PRKCH: variants seen among roughly 807,000 people sequenced by gnomAD.
PRKCH encodes protein kinase C eta type.
Under a neutral mutation model 82.5 loss-of-function variants are expected in PRKCH, and 28 were observed. The ratio of observed to expected loss-of-function variants is 0.34; its 90% CI spans 0.25 to 0.47. PRKCH has a LOEUF of 0.47. Ranked by LOEUF, PRKCH falls within the 20% of genes least tolerant of loss-of-function variation. The pLI, the probability that PRKCH is intolerant of heterozygous loss-of-function variation, is 1.00. For synonymous variants in PRKCH, 322 were observed against 327.4 expected, an observed-to-expected ratio of 0.98 and a Z score of 0.18; for missense variants, 705 against 881.8, an observed-to-expected ratio of 0.80 and a Z score of 2.54.
chr14:61,196,947 C>T (rs2044446295), intron 1 of PRKCH, among the ~76,000 whole-genome samples: 1 of 152,192 alleles, frequency 6.6e-6, no homozygotes, highest in African/African-American at 2.4e-5. Context: ...TTCTCTCAGA[C>T]ATAGGGACAT....
chr14:61,219,314 G>A (rs1390454511), intron 1 of PRKCH, among the ~76,000 whole-genome samples: 1 of 152,212 alleles, frequency 6.6e-6, no homozygotes, highest in Non-Finnish European at 1.5e-5. Flanking sequence ...TAGTATAAAT[G>A]TTCCAAATAT....
intron 1 of PRKCH, among the ~76,000 whole-genome samples, chr14:61,363,857 G>C (rs2046262447): frequency 1.3e-5 from 2 of 151,478 alleles, no homozygotes; most frequent in Admixed American, 1.3e-4. Flanking sequence ...TCTGGAGGTA[G>C]AATCTGTGGT....
At position 61,452,928 on chromosome 14, in the gene PRKCH, G is replaced by A. The variant is rs564735701; in HGVS notation, c.833-298G>A. 29 of 393,572 alleles carry A rather than the reference G, an allele frequency of 7.4e-5. 1 individual carries two copies. In the Admixed American group the frequency reaches 1.2e-3, roughly 16 times the overall value. The allele number at this position is 393,572 out of a possible 1,614,324, so 24.4% of individuals were successfully genotyped here. Reference sequence around the variant, plus strand: ...GGTTTTAATCTTAGATCATACTAAGGCAGCAATGCCTGTTACATGTGATTT... The same window carrying A: ...GGTTTTAATCTTAGATCATACTAAGACAGCAATGCCTGTTACATGTGATTT... On this transcript the variant is annotated intron_variant, in intron 6 of 13. Coordinates refer to ENST00000332981, the MANE Select transcript of PRKCH (RefSeq NM_006255.5).
intron 1 of PRKCH, among the ~76,000 whole-genome samples, chr14:61,282,693 A>C (rs2045282349): frequency 6.6e-6 from 1 of 152,186 alleles, no homozygotes; most frequent in Non-Finnish European, 1.5e-5. Flanking sequence ...TGCATTCTAC[A>C]AGTCACATTA....
At chr14:61,283,113 T>G (rs1261777914) in intron 1 of PRKCH, among the ~76,000 whole-genome samples, 1 of 151,958 alleles carries the variant, frequency 6.6e-6, no homozygotes, top group Non-Finnish European at 1.5e-5. Flanking sequence ...CAAGAGATCC[T>G]TCTGCCTCAG....
intron 1 of PRKCH, among the ~76,000 whole-genome samples, chr14:61,228,725 T>C (rs1435399327): frequency 6.6e-6 from 1 of 152,080 alleles, no homozygotes; most frequent in Admixed American, 6.5e-5. Context: ...AGTTTTTCTT[T>C]CCTTTTTAGT....
At chr14:61,260,055 C>T (rs1241407236) in intron 1 of PRKCH, among the ~76,000 whole-genome samples, 1 of 152,090 alleles carries the variant, frequency 6.6e-6, no homozygotes, top group Non-Finnish European at 1.5e-5. Flanking sequence ...ACGAATTTGG[C>T]CTCATTAATA....
Position 61,550,065 on chromosome 14 carries a change from G to T in PRKCH, c.*234G>T. 2.2e-6 allele frequency: 1 copy of T among 455,160 alleles called. No homozygotes were observed. Among genetic ancestry groups the T allele is most frequent in the South Asian group, 4.1e-5 (1 of 24,100 alleles). The allele number at this position is 455,160 out of a possible 1,614,324, so 28.2% of individuals were successfully genotyped here. On this transcript the variant is annotated 3_prime_UTR_variant, in exon 14 of 14. Transcript: ENST00000332981. ...GAAATGAGATTTTATGAAGTATACCGCTCCACCTATGAGCGTCTGTCTCTG... is the reference window on the plus strand; with the variant it reads ...GAAATGAGATTTTATGAAGTATACCTCTCCACCTATGAGCGTCTGTCTCTG...
chr14:61,481,942 C>A (rs1189675813), intron 9 of PRKCH, among the ~76,000 whole-genome samples: 1 of 151,618 alleles, frequency 6.6e-6, no homozygotes, highest in Non-Finnish European at 1.5e-5. Context: ...GATGACTCCT[C>A]ACCCCACCAC....
chr14:61,373,872 G>C (rs963600386), intron 1 of PRKCH, among the ~76,000 whole-genome samples: 8 of 152,084 alleles, frequency 5.3e-5, no homozygotes, highest in Non-Finnish European at 1.0e-4. Context: ...CAAAGTGCTG[G>C]GATTACAGGC....
intron 2 of PRKCH, among the ~76,000 whole-genome samples, chr14:61,409,703 C>CAAAA (rs56238869): frequency 1.1e-4 from 6 of 56,112 alleles, no homozygotes; most frequent in African/African-American, 2.1e-4. Context: ...GACCCTGTCT[C>CAAAA]AAAAAAAAAA....
chr14:61,413,418 C>CCCCCCCCCCCCCCCCCCCCCCTCCCCCG (rs1226453137), intron 2 of PRKCH, among the ~76,000 whole-genome samples: 1 of 105,670 alleles, frequency 9.5e-6, no homozygotes, highest in African/African-American at 3.2e-5. Context: ...CCCCCCGCCC[C>CCCCCCCCCCCCCCCCCCCCCCTCCCCCG]GCCCATGTAC....
At chr14:61,297,661 T>A (rs867198263) in intron 1 of PRKCH, among the ~76,000 whole-genome samples, 1 of 152,220 alleles carries the variant, frequency 6.6e-6, no homozygotes, top group South Asian at 2.1e-4. Context: ...CTGTTCAGGA[T>A]AGGGTTTGTG....
chr14:61,210,111 AATATATATATAT>A lies in PRKCH; in HGVS notation c.-19+22483_-19+22494del, dbSNP rs60055073. 3.8e-3 allele frequency among the ~76,000 whole-genome samples: 333 copies of A among 87,352 alleles called. 2 individuals carry two copies. Among genetic ancestry groups the A allele is most frequent in the Middle Eastern group, 7.0e-3 (1 of 142 alleles). The allele number at this position is 87,352 out of a possible 152,430, so 57.3% of individuals were successfully genotyped here. On this transcript the variant is annotated intron_variant, in intron 1 of 3. Transcript: ENST00000555185. ...AAAAAACAAAACAAACAAACAAACA[AATATATATATAT>A]ATATATATATATATATATATATATA...
At chr14:61,276,776 T>C (rs1231420312) in intron 1 of PRKCH, among the ~76,000 whole-genome samples, 1 of 152,186 alleles carries the variant, frequency 6.6e-6, no homozygotes, top group African/African-American at 2.4e-5. Context: ...AGATCTCCTA[T>C]GACAGGAAGA....
chr14:61,435,162 G>A (rs1883615948), intron 2 of PRKCH, among the ~76,000 whole-genome samples: 1 of 152,160 alleles, frequency 6.6e-6, no homozygotes, highest in South Asian at 2.1e-4. Context: ...TGCCCACCCT[G>A]GAAACCTGCT....
At chr14:61,404,890 G>A (rs139624414) in intron 2 of PRKCH, among the ~76,000 whole-genome samples, 1 of 152,140 alleles carries the variant, frequency 6.6e-6, no homozygotes, top group African/African-American at 2.4e-5. Context: ...TTGAGGTCAG[G>A]GGAGGTGCCC....
chr14:61,325,363 C>A (rs1435187731), intron 1 of PRKCH, among the ~76,000 whole-genome samples: 1 of 152,218 alleles, frequency 6.6e-6, no homozygotes, highest in Non-Finnish European at 1.5e-5. Context: ...GAAGGCAACT[C>A]AGTGGGGGAA....
At chr14:61,446,417 A>T (rs761683771) in intron 4 of PRKCH, among the ~76,000 whole-genome samples, 19 of 152,240 alleles carry the variant, frequency 1.2e-4, no homozygotes, top group Non-Finnish European at 2.5e-4. Context: ...GAGTATCATC[A>T]CATAGTTTAT....
Sources: allele counts gnomAD v4.1 joint callset (sites outside exome capture counted in the v4.1 genomes callset), GRCh38; gene constraint gnomAD v4.1.1; transcripts MANE v1.5; gene names NCBI Gene and HGNC (gene_info 2026-07-23, HGNC 2026-07-21).